The following CHODL variants were observed in gnomAD, a reference collection of about 807,000 sequenced individuals.
CHODL encodes transmembrane protein MT75.
Under a neutral mutation model 34.5 loss-of-function variants are expected in CHODL, and 29 were observed. The ratio of observed to expected loss-of-function variants is 0.84; its 90% CI spans 0.63 to 1.15. The LOEUF (loss-of-function observed/expected upper bound fraction) is 1.15, where lower values mean the gene tolerates loss of function less well. Among genes scored for constraint, CHODL ranks in the 50% most tolerant of loss-of-function variants. The pLI, the probability that CHODL is intolerant of heterozygous loss-of-function variation, is 0.00. For synonymous variants in CHODL, 125 were observed against 116.1 expected, an observed-to-expected ratio of 1.08 and a Z score of -0.49; for missense variants, 332 against 332.5, an observed-to-expected ratio of 1.00 and a Z score of 0.01.
intron 2 of CHODL, among the ~76,000 whole-genome samples, chr21:18,190,958 T>G (rs1404520894): frequency 6.6e-6 from 1 of 152,142 alleles, no homozygotes; most frequent in African/African-American, 2.4e-5. Context: ...GTTTTGGAGG[T>G]TCCTTGCTTA....
intron 2 of CHODL, among the ~76,000 whole-genome samples, chr21:18,223,516 C>T (rs2073903540): frequency 6.6e-6 from 1 of 152,066 alleles, no homozygotes; most frequent in African/African-American, 2.4e-5. Flanking sequence ...CAGGAATTTC[C>T]TTATCTTTTG....
intron 2 of CHODL, among the ~76,000 whole-genome samples, chr21:18,151,239 C>T (rs764030901): frequency 3.3e-5 from 5 of 152,116 alleles, no homozygotes; most frequent in South Asian, 2.1e-4. Context: ...CAGGCCTTGC[C>T]GGGTTTCCCG....
chr21:18,245,377 G>T (rs1201749055), intron 1 of CHODL, 75 bp downstream of exon 1: 7 of 1,283,416 alleles, frequency 5.5e-6, no homozygotes, highest in Non-Finnish European at 7.3e-6. Context: ...GCCTGTTCTC[G>T]GGCGGAGGCT....
chr21:18,167,236 T>G (rs913886624), intron 2 of CHODL, among the ~76,000 whole-genome samples: 3 of 150,826 alleles, frequency 2.0e-5, no homozygotes, highest in East Asian at 3.9e-4. Flanking sequence ...TGTGTGTGTG[T>G]GTGTGTGTGT....
At chr21:18,138,991 G>A (rs2072770044) in intron 2 of CHODL, among the ~76,000 whole-genome samples, 1 of 151,976 alleles carries the variant, frequency 6.6e-6, no homozygotes, top group Admixed American at 6.6e-5. Flanking sequence ...AATAGTTTGG[G>A]TAATATTATA....
chr21:18,069,753 C>T (rs2064773501), intron 2 of CHODL, among the ~76,000 whole-genome samples: 3 of 152,014 alleles, frequency 2.0e-5, no homozygotes, highest in Admixed American at 2.0e-4. Context: ...AAAATATGTT[C>T]TACGGCTTAG....
At chr21:18,247,685 A>G (rs916881482) in intron 1 of CHODL, among the ~76,000 whole-genome samples, 1 of 152,090 alleles carries the variant, frequency 6.6e-6, no homozygotes, top group African/African-American at 2.4e-5. Flanking sequence ...ATGCAAAACA[A>G]GATGTGATAT....
chr21:17,957,008 C>A (rs1285718459), intron 1 of CHODL, among the ~76,000 whole-genome samples: 2 of 151,908 alleles, frequency 1.3e-5, no homozygotes, highest in African/African-American at 4.8e-5. Context: ...GGTGGGCAAC[C>A]AATCTGTTGA....
intron 2 of CHODL, among the ~76,000 whole-genome samples, chr21:18,155,289 C>T (rs964619262): frequency 1.3e-5 from 2 of 152,114 alleles, no homozygotes; most frequent in African/African-American, 4.8e-5. Flanking sequence ...AATCCCAGTC[C>T]CCAACGTTGC....
chr21:18,085,956 T>C (rs2065001145), intron 2 of CHODL, among the ~76,000 whole-genome samples: 1 of 151,982 alleles, frequency 6.6e-6, no homozygotes, highest in African/African-American at 2.4e-5. Flanking sequence ...TTCTGAGCTT[T>C]TTATTCTCTC....
rs368907046 is a variant in CHODL, at chr21:18,119,723, GAACAT to G, written c.-45+91755_-45+91759del. Among the ~76,000 whole-genome samples, 713 of 152,190 alleles carry G rather than the reference GAACAT, an allele frequency of 4.7e-3. 7 individuals are homozygous for G. The highest frequency in any genetic ancestry group is 0.016 in the African/African-American group (663 of 41,518). On this transcript the variant is annotated intron_variant, in intron 2 of 6. Transcript: ENST00000400127. The stretch of plus-strand genomic sequence containing the variant: ...TTATATAATAGCAGTGGAGGAAAGA[GAACAT>G]AAAGTAGGGATGGAAATAAATAGAA...
intron 2 of CHODL, among the ~76,000 whole-genome samples, chr21:18,188,377 G>A (rs1256628312): frequency 6.6e-6 from 1 of 152,120 alleles, no homozygotes; most frequent in African/African-American, 2.4e-5. Flanking sequence ...CTACATGGAT[G>A]TTCAATAGGC....
At chr21:18,040,012 C>T (rs1264536104) in intron 2 of CHODL, among the ~76,000 whole-genome samples, 1 of 151,728 alleles carries the variant, frequency 6.6e-6, no homozygotes, top group African/African-American at 2.4e-5. Context: ...ACAGATGGAT[C>T]ACATCACATA....
At chr21:17,927,104 G>GTATGTATATATGTATA (rs1271489436) in intron 1 of CHODL, among the ~76,000 whole-genome samples, 1 of 137,552 alleles carries the variant, frequency 7.3e-6, no homozygotes, top group African/African-American at 3.2e-5. Flanking sequence ...ATATCTGTGT[G>GTATGTATATATGTATA]TATGTATATA....
chr21:18,137,296 TAAC>T (rs922630470), intron 2 of CHODL, among the ~76,000 whole-genome samples: 12 of 152,316 alleles, frequency 7.9e-5, no homozygotes, highest in Middle Eastern at 3.4e-3. Context: ...CTTTAAGTGT[TAAC>T]AACTTTTTTT....
At chr21:18,110,544 C>G (rs1439230155) in intron 2 of CHODL, among the ~76,000 whole-genome samples, 2 of 151,638 alleles carry the variant, frequency 1.3e-5, no homozygotes, top group Non-Finnish European at 2.9e-5. Context: ...TCCACCCATA[C>G]CTGCCAACAC....
chr21:18,122,410 T>C (rs1227092261), intron 2 of CHODL, among the ~76,000 whole-genome samples: 1 of 152,112 alleles, frequency 6.6e-6, no homozygotes, highest in African/African-American at 2.4e-5. Flanking sequence ...ATTTGAGCAG[T>C]GTAAGGGGAA....
intron 1 of CHODL, among the ~76,000 whole-genome samples, chr21:17,946,368 C>T (rs1013794705): frequency 1.3e-5 from 2 of 152,038 alleles, no homozygotes; most frequent in Admixed American, 6.5e-5. Flanking sequence ...TGCAGTGAGC[C>T]GAGATGGCGC....
At chr21:17,923,694 C>T (rs2063201376) in intron 1 of CHODL, among the ~76,000 whole-genome samples, 1 of 152,068 alleles carries the variant, frequency 6.6e-6, no homozygotes, top group South Asian at 2.1e-4. Flanking sequence ...AACTCCTGAC[C>T]TCGTGATTCG....
Sources: allele counts gnomAD v4.1 joint callset (sites outside exome capture counted in the v4.1 genomes callset), GRCh38; gene constraint gnomAD v4.1.1; transcripts MANE v1.5; gene names NCBI Gene and HGNC (gene_info 2026-07-23, HGNC 2026-07-21).